CREG2: variants seen among roughly 807,000 people sequenced by gnomAD.
CREG2 encodes protein CREG2.
CREG2 carries 24 observed loss-of-function variants against 26.2 expected under a neutral mutation model. That is an observed-to-expected ratio of 0.92 (90% CI 0.66 to 1.29). CREG2 has a LOEUF of 1.29. Among genes scored for constraint, CREG2 ranks in the 50% most tolerant of loss-of-function variants. The pLI, the probability that CREG2 is intolerant of heterozygous loss-of-function variation, is 0.00. For synonymous variants in CREG2, 174 were observed against 169.2 expected, an observed-to-expected ratio of 1.03 and a Z score of -0.22; for missense variants, 366 against 398.6, an observed-to-expected ratio of 0.92 and a Z score of 0.70.
intron 2 of CREG2, among the ~76,000 whole-genome samples, chr2:101,365,455 C>T (rs1256090737): frequency 2.6e-5 from 4 of 152,180 alleles, no homozygotes; most frequent in African/African-American, 7.2e-5. Flanking sequence ...TTCCCTGATT[C>T]ATCATCACAG....
intron 2 of CREG2, among the ~76,000 whole-genome samples, chr2:101,369,810 T>C (rs1028997455): frequency 6.6e-6 from 1 of 152,234 alleles, no homozygotes; most frequent in African/African-American, 2.4e-5. Flanking sequence ...TTGGAATAGG[T>C]GGCCTGCATG....
Position 101,383,605 on chromosome 2 carries a change from G to C in CREG2, c.539C>G (p.Pro180Arg). 1 of 1,614,192 alleles carries C rather than the reference G, an allele frequency of 6.2e-7. No homozygotes were observed. The highest frequency in any genetic ancestry group is 1.3e-5 in the African/African-American group (1 of 75,032). The part of the protein sequence containing the change: ...IPFFYMTAKD[P>R]VVADLMKNPM... ...GTTCTTCATCAGATCAGCCACCACG[G>C]GGTCCTTGGCTGTCATGTAGAAGAA... is the stretch of plus-strand genomic sequence containing the variant. The change falls in exon 2 of 4, where the codon CCC (proline) becomes CGC (arginine). Residue 180 changes from proline (P) to arginine (R), a missense_variant. This residue lies in a region of CREG2 where 174 missense variants were observed against 178.2 expected (regional missense o/e 0.98). Coordinates refer to ENST00000324768, the MANE Select transcript of CREG2 (RefSeq NM_153836.4).
Position 101,387,034 on chromosome 2 carries a change from C to T in CREG2, c.424G>A (p.Val142Met). 8.1e-7 allele frequency: 1 copy of T among 1,232,068 alleles called. No individual in the cohort carries two copies. Among genetic ancestry groups the T allele is most frequent in the Non-Finnish European group, 1.0e-6 (1 of 988,480 alleles). 76.3% of individuals were successfully genotyped at this position (1,232,068 alleles called of 1,614,324 possible). A position where few individuals can be genotyped will look rare whatever the true frequency, so the allele number is the denominator to read the frequency against. Residue 142 changes from valine (V) to methionine (M), a missense_variant, in exon 1 of 4, where the codon GTG (valine) becomes ATG (methionine). Coordinates refer to ENST00000324768, the MANE Select transcript of CREG2 (RefSeq NM_153836.4). The surrounding 1 kb of genome is among the most constrained non-coding windows in gnomAD (Gnocchi z 4.7). ...GCGCTCACCTTCTTGTGGGTGGACACGGTGGCCAGGCAGCCCCAGACGCTG... is the reference window on the plus strand; with the variant it reads ...GCGCTCACCTTCTTGTGGGTGGACATGGTGGCCAGGCAGCCCCAGACGCTG... Reference protein sequence around the residue: ...HASVWGCLATVSTHKKIQGLP... With the variant: ...HASVWGCLATMSTHKKIQGLP...
intron 1 of CREG2, 103 bp downstream of exon 1, chr2:101,386,914 G>T: frequency 8.8e-7 from 1 of 1,141,686 alleles, no homozygotes; most frequent in Non-Finnish European, 1.1e-6. Flanking sequence ...ACGTCTGGTG[G>T]ACCCGGATCT....
rs756419525 is a variant in CREG2 at position 101,387,007 on chromosome 2, G to A, written c.441+10C>T. ...GCCAGGCCCCCTCGCGCTCCCCGCC[G>A]GGCGCTCACCTTCTTGTGGGTGGAC... On this transcript the variant is annotated intron_variant, in intron 1 of 3. Transcript: ENST00000324768. This position sits in a 1 kb window ranked among gnomAD's most constrained non-coding sequence, Gnocchi z 4.7. The A allele has an allele frequency of 2.4e-6, 3 of 1,232,668 alleles. No homozygotes were observed. Among genetic ancestry groups the A allele is most frequent in the African/African-American group, 1.6e-5 (1 of 64,434 alleles). The allele number at this position is 1,232,668 out of a possible 1,614,324, so 76.4% of individuals were successfully genotyped here. A position where few individuals can be genotyped will look rare whatever the true frequency, so the allele number is the denominator to read the frequency against.
rs183457752 is a variant in CREG2 at position 101,358,540 on chromosome 2, G to A, written c.612-3174C>T. On this transcript the variant is annotated intron_variant, in intron 2 of 3. Transcript: ENST00000324768. Reference sequence around the variant, plus strand: ...AAATTGGAAGTAACCAAAAAGCTTAGCAGTGGGGAAATACAAATAAATTAA... The same window carrying A: ...AAATTGGAAGTAACCAAAAAGCTTAACAGTGGGGAAATACAAATAAATTAA... 2.0e-5 allele frequency among the ~76,000 whole-genome samples: 3 copies of A among 152,316 alleles called. No homozygotes were observed. The East Asian group carries it at 5.8e-4, about 29-fold the overall frequency.
chr2:101,358,726 G>C (rs925465880), intron 2 of CREG2, among the ~76,000 whole-genome samples: 1 of 152,168 alleles, frequency 6.6e-6, no homozygotes, highest in African/African-American at 2.4e-5. Flanking sequence ...CAGCTGAGGG[G>C]GGCATAAGGC....
At chr2:101,367,433 A>G (rs917468391) in intron 2 of CREG2, among the ~76,000 whole-genome samples, 1 of 152,196 alleles carries the variant, frequency 6.6e-6, no homozygotes, top group African/African-American at 2.4e-5. Flanking sequence ...TAATTTCTAT[A>G]TTTAAAACAT....
At chr2:101,384,215 C>A (rs1000743007) in intron 1 of CREG2, among the ~76,000 whole-genome samples, 3 of 152,178 alleles carry the variant, frequency 2.0e-5, no homozygotes, top group Non-Finnish European at 4.4e-5. Context: ...TCTTTTAGGG[C>A]TGCATCACTT....
chr2:101,355,274 G>T lies in CREG2; in HGVS notation c.704C>A (p.Ala235Asp), dbSNP rs1428432419. 1 of 1,612,036 alleles carries T rather than the reference G, an allele frequency of 6.2e-7. No homozygotes were observed. The highest frequency in any genetic ancestry group is 1.3e-5 in the African/African-American group (1 of 74,884). Residue 235 changes from alanine to aspartate, a missense_variant, in exon 3 of 4, where the codon GCC (alanine) becomes GAC (aspartate). Ala to Asp is a moderately radical substitution (Grantham distance 126). Coordinates refer to ENST00000324768, the MANE Select transcript of CREG2 (RefSeq NM_153836.4). ...IAVSPEEVEF[A>D]KQAMFSRHPG... is the part of the protein sequence containing the mutation. ...ACACCTTGAAAACATGGCTTGCTTG[G>T]CAAATTCTACTTCTTCTGGAGACAC...
intron 2 of CREG2, among the ~76,000 whole-genome samples, chr2:101,375,175 T>A (rs1684770929): frequency 6.6e-6 from 1 of 152,220 alleles, no homozygotes; most frequent in Admixed American, 6.5e-5. Flanking sequence ...CTAATTTGCA[T>A]CTTCAATATG....
At chr2:101,354,584 C>T (rs1262339828) in intron 3 of CREG2, among the ~76,000 whole-genome samples, 3 of 152,128 alleles carry the variant, frequency 2.0e-5, no homozygotes, top group East Asian at 1.9e-4. Flanking sequence ...ACCCCAGCTC[C>T]GAGCCTGCAC....
At chr2:101,382,889 A>G (rs892011434) in intron 2 of CREG2, 4 of 985,474 alleles carry the variant, frequency 4.1e-6, no homozygotes, top group Non-Finnish European at 3.6e-6. Flanking sequence ...GGGATCTCAC[A>G]TGCAGCTCCC....
intron 3 of CREG2, among the ~76,000 whole-genome samples, chr2:101,355,010 G>T (rs551655223): frequency 1.3e-5 from 2 of 152,136 alleles, no homozygotes; most frequent in Non-Finnish European, 2.9e-5. Context: ...CATTGTCAAA[G>T]GTTGGAAGTA....
chr2:101,355,408 G>A, intron 2 of CREG2, 42 bp from the exon 3 acceptor site: 1 of 1,261,892 alleles, frequency 7.9e-7, no homozygotes, highest in Non-Finnish European at 1.2e-6. Flanking sequence ...AACAAGGACA[G>A]AACATCAGCC....
At chr2:101,366,776 C>T (rs769280540) in intron 2 of CREG2, among the ~76,000 whole-genome samples, 9 of 151,968 alleles carry the variant, frequency 5.9e-5, no homozygotes, top group Non-Finnish European at 1.0e-4. Flanking sequence ...GAGCCGAGAT[C>T]GCGCCACTGC....
chr2:101,387,160 G>A lies in CREG2; in HGVS notation c.298C>T (p.Pro100Ser). The A allele has an allele frequency of 7.9e-7, 1 of 1,270,680 alleles. No individual in the cohort carries two copies. The highest frequency in any genetic ancestry group is 9.9e-7 in the Non-Finnish European group (1 of 1,007,242). The allele number at this position is 1,270,680 out of a possible 1,614,324, so 78.7% of individuals were successfully genotyped here. The change falls in exon 1 of 4, where the codon CCA becomes TCA. Residue 100 changes from proline to serine, a missense_variant. Physicochemically the swap from Pro to Ser is moderately conservative, Grantham distance 74. Transcript: ENST00000324768. The surrounding 1 kb of genome is among the most constrained non-coding windows in gnomAD (Gnocchi z 4.7). ...CGCCGGTAGGAGAACATCCCGGGTG[G>A]CGCGGGGGGCGGCCTGGCCCGGGCG... ...GAARARPPPA[P>S]PGMFSYRREG...
In CREG2 at chr2:101,372,859, T is replaced by C. The variant is rs570481373; in HGVS notation, c.611+10674A>G. 2.0e-5 allele frequency among the ~76,000 whole-genome samples: 3 copies of C among 152,290 alleles called. No homozygotes were observed. The East Asian group carries it at 5.8e-4, about 29-fold the overall frequency. ...AATAGACAGTTCCCCAAAGGAGACA[T>C]ACAAATGGCCAATAAGCACACAAAA... On this transcript the variant is annotated intron_variant, in intron 2 of 3. Coordinates refer to ENST00000324768, the MANE Select transcript of CREG2 (RefSeq NM_153836.4).
intron 2 of CREG2, among the ~76,000 whole-genome samples, chr2:101,360,325 C>A (rs917274266): frequency 6.6e-6 from 1 of 152,242 alleles, no homozygotes; most frequent in East Asian, 1.9e-4. Context: ...CTGTGGCTTG[C>A]GTGTTCCTGG....
Sources: gnomAD v4.1 joint callset for allele counts (sites outside exome capture counted in the v4.1 genomes callset) on GRCh38, gnomAD v4.1.1 for gene constraint, gnomAD v4.1.1 regional missense constraint, Gnocchi (gnomAD v3.1) non-coding constraint, MANE v1.5 for transcripts, NCBI Gene and HGNC (gene_info 2026-07-23, HGNC 2026-07-21) for gene names.